Variants in SLC36A1 observed in about 807,000 individuals in gnomAD.
SLC36A1 encodes the protein proton-coupled amino acid transporter 1.
SLC36A1 carries 30 observed loss-of-function variants against 47.5 expected under a neutral mutation model. The ratio of observed to expected loss-of-function variants is 0.63; its 90% confidence interval spans 0.47 to 0.86. The LOEUF is 0.86. Ranked by LOEUF, SLC36A1 falls within the 40% of genes least tolerant of loss-of-function variation. SLC36A1 has a pLI of 0.00. For missense variants in SLC36A1, 517 were observed against 606.0 expected (o/e 0.85, Z 1.54); for synonymous variants, 255 against 249.7 (o/e 1.02, Z -0.20).
chr5:151,356,949 T>A, the SLC36A1 span, among the ~76,000 whole-genome samples: 1 of 152,122 alleles, frequency 6.6e-6, no homozygotes, highest in African/African-American at 2.4e-5. Context: ...CTGATGATAA[T>A]ATTCACACAA....
the SLC36A1 span, among the ~76,000 whole-genome samples, chr5:151,355,011 G>C: frequency 6.6e-6 from 1 of 152,166 alleles, no homozygotes; most frequent in Non-Finnish European, 1.5e-5. Context: ...ACCATGGTAA[G>C]TCCTCCCTAC....
the SLC36A1 span, among the ~76,000 whole-genome samples, chr5:151,391,700 A>G: frequency 3.3e-5 from 5 of 152,196 alleles, no homozygotes; most frequent in African/African-American, 4.8e-5. Flanking sequence ...TTGCTGGATT[A>G]CGTTTATTGA....
the SLC36A1 span, among the ~76,000 whole-genome samples, chr5:151,385,781 T>A: frequency 2.2e-4 from 33 of 151,898 alleles, no homozygotes; most frequent in Non-Finnish European, 3.1e-4. Flanking sequence ...TACCTTTACA[T>A]ACCATTTTTG....
chr5:151,420,651 C>T, the SLC36A1 span, among the ~76,000 whole-genome samples: 1 of 152,038 alleles, frequency 6.6e-6, no homozygotes, highest in Non-Finnish European at 1.5e-5. Context: ...AGTAATAGTA[C>T]CTATTATAAA....
At chr5:151,441,340 A>C (rs1347187439) in intron 1 of SLC36A1, among the ~76,000 whole-genome samples, 1 of 152,222 alleles carries the variant, frequency 6.6e-6, no homozygotes, top group Non-Finnish European at 1.5e-5. Context: ...TCTAAGGCAA[A>C]GTTTTTAATA....
At chr5:151,480,283 C>G (rs1012761597) in intron 10 of SLC36A1, 10 of 430,142 alleles carry the variant, frequency 2.3e-5, no homozygotes, top group African/African-American at 2.1e-4. Flanking sequence ...CTCTATTTGG[C>G]TTTTTTTTCT....
At chr5:151,528,060 C>T in the SLC36A1 span, 1 of 1,614,188 alleles carries the variant, frequency 6.2e-7, no homozygotes, top group East Asian at 2.2e-5. Flanking sequence ...GGTGAAGTGC[C>T]CAAGCTGGTT....
rs148287225 is a variant in SLC36A1, at chr5:151,463,652, C to T, written c.234+9C>T. On this transcript the variant is annotated intron_variant, in intron 3 of 10. Coordinates refer to ENST00000243389, the MANE Select transcript of SLC36A1 (RefSeq NM_078483.4). ...AAAATGCAGGCATCGTGGTAAGGGT[C>T]TGCATCAGTGGAGAGGAGTGGTGAC... 9.5e-5 allele frequency: 153 copies of T among 1,611,712 alleles called. No individual in the cohort carries two copies. In the East Asian group the frequency reaches 3.3e-3, roughly 34 times the overall value.
the SLC36A1 span, among the ~76,000 whole-genome samples, chr5:151,355,381 A>G: frequency 2.0e-5 from 3 of 152,224 alleles, no homozygotes; most frequent in African/African-American, 7.2e-5. Flanking sequence ...ATGCCAGGCT[A>G]TTCGGTTACA....
At chr5:151,354,072 G>A in the SLC36A1 span, among the ~76,000 whole-genome samples, 2 of 152,212 alleles carry the variant, frequency 1.3e-5, no homozygotes, top group African/African-American at 2.4e-5. Flanking sequence ...GGAAGGCTGA[G>A]GAGGGTGGAT....
upstream of SLC36A1, among the ~76,000 whole-genome samples, chr5:151,444,763 G>A (rs1752825260): frequency 6.6e-6 from 1 of 152,176 alleles, no homozygotes; most frequent in Non-Finnish European, 1.5e-5. Flanking sequence ...GGGATTACAG[G>A]CATGAGCCAC....
At chr5:151,414,779 GGA>G in the SLC36A1 span, 9 of 152,158 alleles carry the variant, frequency 5.9e-5, no homozygotes, top group African/African-American at 2.2e-4. Context: ...CTGGGCATTG[GGA>G]GAAGATTGTT....
At chr5:151,357,418 G>C in the SLC36A1 span, among the ~76,000 whole-genome samples, 1 of 152,204 alleles carries the variant, frequency 6.6e-6, no homozygotes, top group Non-Finnish European at 1.5e-5. Flanking sequence ...GCTGTTTTTG[G>C]AGAGTAGGAG....
At chr5:151,506,176 A>C in the SLC36A1 span, 3 of 1,421,496 alleles carry the variant, frequency 2.1e-6, no homozygotes, top group Non-Finnish European at 2.8e-6. Context: ...ACTATATATA[A>C]CCTAGCGAGT....
chr5:151,471,224 T>G (rs1363070942), intron 7 of SLC36A1, among the ~76,000 whole-genome samples: 26 of 152,222 alleles, frequency 1.7e-4, no homozygotes, highest in Admixed American at 1.7e-3. Context: ...GTCATTTCAC[T>G]TAAAGTCTCA....
At chr5:151,536,976 C>G in the SLC36A1 span, among the ~76,000 whole-genome samples, 4 of 152,190 alleles carry the variant, frequency 2.6e-5, no homozygotes, top group Admixed American at 1.3e-4. Context: ...TGTATAAATT[C>G]TCCTGCCTTG....
chr5:151,553,810 A>G, the SLC36A1 span, among the ~76,000 whole-genome samples: 1 of 152,162 alleles, frequency 6.6e-6, no homozygotes, highest in Non-Finnish European at 1.5e-5. Flanking sequence ...TAATCCTCAC[A>G]ATAACCTTGG....
At chr5:151,505,815 CA>C in the SLC36A1 span, 2 of 1,613,660 alleles carry the variant, frequency 1.2e-6, no homozygotes, top group Non-Finnish European at 1.7e-6. Flanking sequence ...CTCATTGAGA[CA>C]GGGGGCAACC....
chr5:151,507,559 C>T, the SLC36A1 span: 2,578 of 1,614,014 alleles, frequency 1.6e-3, 6 homozygotes, highest in Non-Finnish European at 2.0e-3. Context: ...CTTTGGATCT[C>T]GGGAGTGACT....
Sources: allele counts gnomAD v4.1 joint callset (sites outside exome capture counted in the v4.1 genomes callset), GRCh38; gene constraint gnomAD v4.1.1; transcripts MANE v1.5; gene names NCBI Gene and HGNC (gene_info 2026-07-23, HGNC 2026-07-21).